NCOA7: variants seen among roughly 807,000 people sequenced by gnomAD.
The protein encoded by NCOA7 is nuclear receptor coactivator 7.
Under a neutral mutation model 104.3 loss-of-function variants are expected in NCOA7, and 45 were observed. The observed-to-expected ratio is 0.43, with a 90% CI of 0.34 to 0.55. The LOEUF is 0.55. Ranked by LOEUF, NCOA7 falls within the 20% of genes least tolerant of loss-of-function variation. The probability of loss-of-function intolerance (pLI) is 0.02; values close to 1 mark genes in which losing one functional copy is unlikely to be tolerated. For missense variants in NCOA7, 1,041 were observed against 1,119.7 expected (o/e 0.93, Z 1.00); for synonymous variants, 398 against 402.3 (o/e 0.99, Z 0.13).
chr6:125,914,849 G>T (rs576672045), intron 10 of NCOA7, among the ~76,000 whole-genome samples: 3 of 152,286 alleles, frequency 2.0e-5, no homozygotes, highest in Admixed American at 6.5e-5. Flanking sequence ...TAAAATAGTA[G>T]CCAGTATTAT....
chr6:125,913,873 A>G (rs192905674), intron 10 of NCOA7, among the ~76,000 whole-genome samples: 1 of 152,356 alleles, frequency 6.6e-6, no homozygotes, highest in East Asian at 1.9e-4. Flanking sequence ...AGCTACAGAC[A>G]GGAAGAAAAT....
At chr6:125,822,467 T>A (rs1778273681) in intron 2 of NCOA7, among the ~76,000 whole-genome samples, 1 of 152,200 alleles carries the variant, frequency 6.6e-6, no homozygotes, top group East Asian at 1.9e-4. Context: ...AGGTAATGAA[T>A]CTGTTGTTCA....
chr6:125,875,840 T>A (rs1270053302), intron 4 of NCOA7, among the ~76,000 whole-genome samples: 1 of 152,176 alleles, frequency 6.6e-6, no homozygotes, highest in Non-Finnish European at 1.5e-5. Context: ...AGGGTATAGA[T>A]CTCCATATTG....
chr6:125,926,604 A>T (rs1002875380), intron 13 of NCOA7, among the ~76,000 whole-genome samples: 3 of 152,140 alleles, frequency 2.0e-5, no homozygotes, highest in African/African-American at 7.2e-5. Context: ...GCTCTAGGGA[A>T]AGGTTTGGTA....
intron 11 of NCOA7, among the ~76,000 whole-genome samples, chr6:125,918,087 A>T (rs965399810): frequency 6.6e-6 from 1 of 152,184 alleles, no homozygotes; most frequent in Admixed American, 6.5e-5. Context: ...AAAAGGAAAG[A>T]TGGTTTTTGT....
chr6:125,888,186 C>G (rs1784388109), intron 8 of NCOA7, among the ~76,000 whole-genome samples: 1 of 152,086 alleles, frequency 6.6e-6, no homozygotes, highest in Non-Finnish European at 1.5e-5. Context: ...CGAGCTGCAC[C>G]ATTGCTATAA....
Position 125,792,115 on chromosome 6 carries a change from A to G in NCOA7, c.-65+1048A>G, listed in dbSNP as rs554939426. Among the ~76,000 whole-genome samples the G allele has an allele frequency of 4.6e-5, 7 of 152,248 alleles. No individual in the cohort carries two copies. The East Asian group carries it at 9.7e-4, about 21-fold the overall frequency. On this transcript the variant is annotated intron_variant, in intron 1 of 15. Coordinates refer to ENST00000392477, the MANE Select transcript of NCOA7 (RefSeq NM_181782.5). The stretch of plus-strand genomic sequence containing the variant: ...CTTCTGCATCTTATGCAGAATAAGT[A>G]CCCATTAGTTATTTGTTGAATGAAT...
chr6:125,910,514 T>C (rs936526274), intron 10 of NCOA7, among the ~76,000 whole-genome samples: 2 of 152,254 alleles, frequency 1.3e-5, no homozygotes, highest in Non-Finnish European at 2.9e-5. Context: ...AGTGATGATT[T>C]ATTTCATGTT....
At chr6:125,898,526 G>A (rs1368721000) in intron 10 of NCOA7, among the ~76,000 whole-genome samples, 1 of 152,178 alleles carries the variant, frequency 6.6e-6, no homozygotes, top group Non-Finnish European at 1.5e-5. Context: ...GTGCTACTCT[G>A]ATTGTGAATG....
At chr6:125,921,381 G>C (rs1186144472) in intron 12 of NCOA7, among the ~76,000 whole-genome samples, 1 of 151,974 alleles carries the variant, frequency 6.6e-6, no homozygotes, top group African/African-American at 2.4e-5. Context: ...CTGCATTCCA[G>C]CCTGCGCAAC....
intron 10 of NCOA7, among the ~76,000 whole-genome samples, chr6:125,895,870 C>G (rs1288111574): frequency 6.6e-6 from 1 of 152,024 alleles, no homozygotes; most frequent in Non-Finnish European, 1.5e-5. Context: ...CACCAACCCT[C>G]ACCTCCAACA....
chr6:125,912,836 T>G (rs1022502133), intron 10 of NCOA7, among the ~76,000 whole-genome samples: 1 of 152,188 alleles, frequency 6.6e-6, no homozygotes, highest in Non-Finnish European at 1.5e-5. Context: ...ATATTCATAT[T>G]TATATCTACA....
chr6:125,895,965 ATGTGTGTGTGTG>A (rs61017866), intron 10 of NCOA7, among the ~76,000 whole-genome samples: 18 of 146,072 alleles, frequency 1.2e-4, no homozygotes, highest in African/African-American at 4.3e-4. Context: ...ATATGTATAT[ATGTGTGTGTGTG>A]TGTGTGTGTG....
At chr6:125,841,840 C>T (rs969261814) in intron 2 of NCOA7, among the ~76,000 whole-genome samples, 1 of 152,068 alleles carries the variant, frequency 6.6e-6, no homozygotes, top group Admixed American at 6.6e-5. Flanking sequence ...TGGATGTAAA[C>T]CAACTAAATT....
At chr6:125,818,155 T>C (rs1024575149) in intron 2 of NCOA7, among the ~76,000 whole-genome samples, 3 of 151,564 alleles carry the variant, frequency 2.0e-5, no homozygotes, top group Non-Finnish European at 4.4e-5. Context: ...TTGCCCTACA[T>C]AGTGATTTTA....
intron 3 of NCOA7, among the ~76,000 whole-genome samples, chr6:125,869,527 G>A (rs1319383840): frequency 6.6e-6 from 1 of 152,178 alleles, no homozygotes. Context: ...GTGAACCAAG[G>A]CTATAGATGA....
intron 10 of NCOA7, among the ~76,000 whole-genome samples, chr6:125,908,598 C>G (rs954141382): frequency 6.6e-6 from 1 of 152,164 alleles, no homozygotes; most frequent in African/African-American, 2.4e-5. Context: ...CTCAGGAAAT[C>G]CTACAGACTT....
intron 13 of NCOA7, among the ~76,000 whole-genome samples, chr6:125,923,141 C>T (rs1259389636): frequency 6.6e-6 from 1 of 152,066 alleles, no homozygotes; most frequent in Non-Finnish European, 1.5e-5. Context: ...TAATGATATC[C>T]CACAGCCTAA....
At chr6:125,860,034 T>C (rs1242647970) in intron 3 of NCOA7, among the ~76,000 whole-genome samples, 2 of 152,198 alleles carry the variant, frequency 1.3e-5, no homozygotes, top group East Asian at 1.9e-4. Flanking sequence ...CAGATAAATC[T>C]AGATCCAACA....
Sources: allele counts gnomAD v4.1 joint callset (sites outside exome capture counted in the v4.1 genomes callset), GRCh38; gene constraint gnomAD v4.1.1; transcripts MANE v1.5; gene names NCBI Gene and HGNC (gene_info 2026-07-23, HGNC 2026-07-21).